The following EGFLAM variants were observed in gnomAD, a reference collection of about 807,000 sequenced individuals.
EGFLAM encodes EGF like, fibronectin type III and laminin G domains, also known as pikachurin.
In EGFLAM, 79 loss-of-function variants were observed where a neutral mutation model predicts 113.1. The ratio of observed to expected loss-of-function variants is 0.70; its 90% confidence interval spans 0.58 to 0.84. The LOEUF (loss-of-function observed/expected upper bound fraction) is 0.84. Ranked by LOEUF, EGFLAM falls within the 40% of genes least tolerant of loss-of-function variation. The pLI, the probability that EGFLAM is intolerant of heterozygous loss-of-function variation, is 0.00. For missense variants in EGFLAM, 1,265 were observed against 1,291.6 expected (o/e 0.98, Z 0.32); for synonymous variants, 504 against 487.6 (o/e 1.03, Z -0.44).
At chr5:38,463,368 T>C (rs1743355216) in intron 21 of EGFLAM, among the ~76,000 whole-genome samples, 2 of 152,268 alleles carry the variant, frequency 1.3e-5, no homozygotes, top group Admixed American at 6.5e-5. Flanking sequence ...TGGCTTATTA[T>C]AATTAATTCA....
At chr5:38,397,110 G>A (rs1740981426) in intron 6 of EGFLAM, among the ~76,000 whole-genome samples, 1 of 152,238 alleles carries the variant, frequency 6.6e-6, no homozygotes, top group East Asian at 1.9e-4. Context: ...GGATGCCTGA[G>A]GTGCCATTCT....
chr5:38,365,504 T>C (rs187142942), intron 5 of EGFLAM, among the ~76,000 whole-genome samples: 1 of 152,312 alleles, frequency 6.6e-6, no homozygotes, highest in East Asian at 1.9e-4. Context: ...CTGCTTTATT[T>C]TTGAAATTGT....
chr5:38,313,567 C>G lies in EGFLAM; in HGVS notation c.98-23953C>G, dbSNP rs150406509. Among the ~76,000 whole-genome samples, 876 of 152,266 alleles carry G rather than the reference C, an allele frequency of 5.8e-3. 11 individuals carry two copies. Among genetic ancestry groups the G allele is most frequent in the African/African-American group, 0.02 (846 of 41,550 alleles). ...GGCATATTAGTATATTTTAAAGAGT[C>G]ATCATACATCGCCTAATTACTTTCT... On this transcript the variant is annotated intron_variant, in intron 1 of 21. Coordinates refer to ENST00000322350, the MANE Select transcript of EGFLAM (RefSeq NM_152403.4).
At chr5:38,263,017 A>T (rs1415687948) in intron 1 of EGFLAM, among the ~76,000 whole-genome samples, 1 of 152,088 alleles carries the variant, frequency 6.6e-6, no homozygotes, top group Non-Finnish European at 1.5e-5. Flanking sequence ...TGTTTTAGTG[A>T]TTCTATTCTA....
At chr5:38,332,155 T>C (rs940517024) in intron 1 of EGFLAM, among the ~76,000 whole-genome samples, 1 of 152,256 alleles carries the variant, frequency 6.6e-6, no homozygotes, top group African/African-American at 2.4e-5. Context: ...ATTGGTGTTA[T>C]AATTTGCATT....
intron 5 of EGFLAM, among the ~76,000 whole-genome samples, chr5:38,353,326 G>A (rs551326510): frequency 4.8e-4 from 73 of 152,344 alleles, no homozygotes; most frequent in African/African-American, 1.5e-3. Flanking sequence ...GAATGGAAGC[G>A]GTGGCTGGTG....
chr5:38,260,601 A>G (rs1757476065), intron 1 of EGFLAM, among the ~76,000 whole-genome samples: 2 of 152,196 alleles, frequency 1.3e-5, no homozygotes, highest in Non-Finnish European at 2.9e-5. Context: ...TGGAAACACC[A>G]CCTCTTAAAT....
At chr5:38,438,122 C>CA (rs376621912) in intron 16 of EGFLAM, among the ~76,000 whole-genome samples, 153 bp from the exon 17 acceptor site, 1,756 of 97,248 alleles carry the variant, frequency 0.018, 42 homozygotes, top group African/African-American at 0.045. Flanking sequence ...ACTCCATCTC[C>CA]AAAAAAAAAA....
At chr5:38,288,275 A>G (rs1191098373) in intron 1 of EGFLAM, among the ~76,000 whole-genome samples, 2 of 152,214 alleles carry the variant, frequency 1.3e-5, no homozygotes, top group African/African-American at 4.8e-5. Context: ...TCCAATTTTC[A>G]TGACATCTTC....
At chr5:38,445,538 A>T in intron 17 of EGFLAM, 4 of 1,572,428 alleles carry the variant, frequency 2.5e-6, no homozygotes, top group Non-Finnish European at 3.4e-6. Flanking sequence ...ATTCCCTAAG[A>T]GGACGTTCTG....
chr5:38,316,076 CAA>C (rs199596625), intron 1 of EGFLAM, among the ~76,000 whole-genome samples: 18 of 125,242 alleles, frequency 1.4e-4, no homozygotes, highest in Admixed American at 3.3e-4. Flanking sequence ...GACTCTGTCC[CAA>C]AAAAAAAAAA....
At chr5:38,387,460 A>C (rs1740695821) in intron 6 of EGFLAM, among the ~76,000 whole-genome samples, 1 of 152,076 alleles carries the variant, frequency 6.6e-6, no homozygotes, top group Admixed American at 6.5e-5. Flanking sequence ...CTTTTCTCTG[A>C]TCAGTAAGTT....
chr5:38,396,075 A>T (rs1467797820), intron 6 of EGFLAM, among the ~76,000 whole-genome samples: 1 of 102,028 alleles, frequency 9.8e-6, no homozygotes, highest in African/African-American at 4.7e-5. Context: ...AAAGCCTCCT[A>T]TTCATTCTTC....
chr5:38,400,283 T>C (rs1741073476), intron 6 of EGFLAM, among the ~76,000 whole-genome samples: 1 of 152,250 alleles, frequency 6.6e-6, no homozygotes, highest in Non-Finnish European at 1.5e-5. Context: ...AGCACAGGTT[T>C]TTTTATAAAA....
intron 19 of EGFLAM, among the ~76,000 whole-genome samples, chr5:38,455,811 G>A (rs1003958443): frequency 1.3e-5 from 2 of 152,098 alleles, no homozygotes; most frequent in African/African-American, 2.4e-5. Flanking sequence ...GAGAGTTGTC[G>A]GGCTGCAGAA....
chr5:38,441,208 C>A (rs754417297), intron 17 of EGFLAM, among the ~76,000 whole-genome samples: 23 of 152,178 alleles, frequency 1.5e-4, no homozygotes, highest in Non-Finnish European at 3.1e-4. Flanking sequence ...GTCTGTCCCA[C>A]CTGCAAGACC....
intron 6 of EGFLAM, among the ~76,000 whole-genome samples, chr5:38,395,280 G>A (rs1207775920): frequency 1.5e-5 from 2 of 136,260 alleles, no homozygotes; most frequent in East Asian, 2.1e-4. Context: ...GTCTCGGTCT[G>A]TCACCCAGGC....
chr5:38,348,958 T>C (rs575003220), intron 3 of EGFLAM, among the ~76,000 whole-genome samples: 1 of 152,316 alleles, frequency 6.6e-6, no homozygotes, highest in Non-Finnish European at 1.5e-5. Flanking sequence ...TAGATTCTGA[T>C]TTAAGTGGTC....
At chr5:38,312,206 G>A (rs1460146274) in intron 1 of EGFLAM, among the ~76,000 whole-genome samples, 3 of 151,832 alleles carry the variant, frequency 2.0e-5, no homozygotes, top group African/African-American at 4.8e-5. Context: ...CCAGCTGTGT[G>A]GTTTTGCAAA....
Sources: allele counts gnomAD v4.1 joint callset (sites outside exome capture counted in the v4.1 genomes callset), GRCh38; gene constraint gnomAD v4.1.1; transcripts MANE v1.5; gene names NCBI Gene and HGNC (gene_info 2026-07-23, HGNC 2026-07-21).